Variants in CTSC observed in about 807,000 individuals in gnomAD.
CTSC encodes dipeptidyl peptidase 1.
Under a neutral mutation model 40.9 loss-of-function variants are expected in CTSC, and 37 were observed. The ratio of observed to expected loss-of-function variants is 0.91; its 90% CI spans 0.70 to 1.19. CTSC has a LOEUF of 1.19. Among genes scored for constraint, CTSC ranks in the 50% most tolerant of loss-of-function variants. The pLI is 0.00. For missense variants in CTSC, 594 were observed against 567.3 expected (o/e 1.05, Z -0.48); for synonymous variants, 232 against 207.4 (o/e 1.12, Z -1.02).
chr11:88,335,692 A>T (rs1444566405), intron 1 of CTSC, among the ~76,000 whole-genome samples: 1 of 152,220 alleles, frequency 6.6e-6, no homozygotes, highest in Non-Finnish European at 1.5e-5. Context: ...CAAAAGGAGA[A>T]ATGGGGAATG....
chr11:88,316,701 G>T (rs928827798), intron 2 of CTSC, among the ~76,000 whole-genome samples: 1 of 152,144 alleles, frequency 6.6e-6, no homozygotes, highest in Non-Finnish European at 1.5e-5. Context: ...GTGAATAAAT[G>T]AATAACAGAA....
chr11:88,295,480 G>A (rs1462377307), intron 6 of CTSC, among the ~76,000 whole-genome samples: 1 of 151,756 alleles, frequency 6.6e-6, no homozygotes, highest in African/African-American at 2.4e-5. Flanking sequence ...CCTGGGCTCA[G>A]GTGATTCTTA....
At chr11:88,296,890 A>C (rs1944304477) in intron 5 of CTSC, 1 of 155,868 alleles carries the variant, frequency 6.4e-6, no homozygotes. Context: ...GTTCCCTAAA[A>C]TTCTCCCCCT....
intron 4 of CTSC, among the ~76,000 whole-genome samples, chr11:88,307,572 T>C (rs1001147079): frequency 6.6e-6 from 1 of 150,408 alleles, no homozygotes; most frequent in African/African-American, 2.4e-5. Context: ...TTTTTTTTTT[T>C]TTTTTTTTGC....
Position 88,296,166 on chromosome 11 carries a change from G to T in CTSC, c.856C>A (p.Gln286Lys). The change falls in exon 6 of 7, where the codon CAG becomes AAG. Residue 286 changes from glutamine (Q) to lysine (K), a missense_variant. By Grantham distance (53) the Gln-to-Lys change is moderately conservative. Coordinates refer to ENST00000227266, the MANE Select transcript of CTSC (RefSeq NM_001814.6). ...TACTGGCTACAAGACACAACCTCCTGAGGGCTTAGGATTGGGGTCTGAGAA... is the reference window on the plus strand; with the variant it reads ...TACTGGCTACAAGACACAACCTCCTTAGGGCTTAGGATTGGGGTCTGAGAA... ...NNSQTPILSP[Q>K]EVVSCSQYAQ... 2 of 1,614,008 alleles carry T rather than the reference G, an allele frequency of 1.2e-6. No homozygotes were observed. Among genetic ancestry groups the T allele is most frequent in the Non-Finnish European group, 1.7e-6 (2 of 1,179,934 alleles).
intron 2 of CTSC, among the ~76,000 whole-genome samples, chr11:88,315,557 T>C (rs768834309): frequency 7.9e-5 from 12 of 152,200 alleles, no homozygotes; most frequent in Non-Finnish European, 1.6e-4. Flanking sequence ...CATTTATACA[T>C]TGTCTATGGC....
chr11:88,325,570 T>C (rs1938158743), intron 2 of CTSC: 3 of 985,324 alleles, frequency 3.0e-6, no homozygotes, highest in Non-Finnish European at 3.6e-6. Flanking sequence ...AGAAACTCTG[T>C]GAGCTTAGCA....
Position 88,294,112 on chromosome 11 carries a change from C to T in CTSC, c.1286G>A (p.Trp429Ter), listed in dbSNP as rs887942959. 6.2e-7 allele frequency: 1 copy of T among 1,613,982 alleles called. No individual in the cohort carries two copies. The highest frequency in any genetic ancestry group is 8.5e-7 in the Non-Finnish European group (1 of 1,180,002). The change falls in exon 7 of 7, where the codon TGG becomes TAG. Residue 429 changes from tryptophan (W) to a stop codon, truncating the protein, a stop_gained. Coordinates refer to ENST00000227266, the MANE Select transcript of CTSC (RefSeq NM_001814.6). LOFTEE classifies it high-confidence loss of function. Reference protein sequence around the residue: ...GMDYWIVKNSWGTGWGENGYF... With the variant: ...GMDYWIVKNS ...GCCATTCTCACCCCAGCCGGTGCCCCAGCTGTTTTTAACAATCCAGTAATC... is the reference window on the plus strand; with the variant it reads ...GCCATTCTCACCCCAGCCGGTGCCCTAGCTGTTTTTAACAATCCAGTAATC...
At chr11:88,323,791 A>T (rs1201010878) in intron 2 of CTSC, 1 of 152,238 alleles carries the variant, frequency 6.6e-6, no homozygotes, top group Non-Finnish European at 1.5e-5. Flanking sequence ...AAAACGTTAC[A>T]TGCTCATGGA....
At chr11:88,296,039 T>C (rs1944294846) in intron 6 of CTSC, 94 bp downstream of exon 6, 2 of 1,322,934 alleles carry the variant, frequency 1.5e-6, no homozygotes, top group South Asian at 1.2e-5. Context: ...GACACTGCGC[T>C]CTCTCTACTG....
chr11:88,337,709 A>G lies in CTSC; in HGVS notation c.-37T>C. 1 of 1,551,934 alleles carries G rather than the reference A, an allele frequency of 6.4e-7. No individual in the cohort carries two copies. Among genetic ancestry groups the G allele is most frequent in the East Asian group, 2.4e-5 (1 of 41,110 alleles). On this transcript the variant is annotated 5_prime_UTR_variant, in exon 1 of 7. Coordinates refer to ENST00000227266, the MANE Select transcript of CTSC (RefSeq NM_001814.6). ...CTGAGAAAAGAGGTGAAGAATTACC[A>G]GGAAGCCGAGCGCTGCGGGCTAGCG...
intron 2 of CTSC, among the ~76,000 whole-genome samples, chr11:88,320,058 G>GA: frequency 6.6e-6 from 1 of 152,244 alleles, no homozygotes; most frequent in Middle Eastern, 3.4e-3. Flanking sequence ...TCCTCAGAAA[G>GA]AAACCAACTT....
intron 2 of CTSC, chr11:88,320,700 A>G (rs901184284): frequency 2.6e-6 from 1 of 380,714 alleles, no homozygotes; most frequent in Non-Finnish European, 3.6e-6. Flanking sequence ...TAAAAGTCTA[A>G]TCTCTTTTCC....
chr11:88,310,063 G>A (rs761202730), intron 3 of CTSC, among the ~76,000 whole-genome samples: 11 of 151,838 alleles, frequency 7.2e-5, no homozygotes, highest in Non-Finnish European at 1.2e-4. Context: ...ATGGACATTC[G>A]GTTTATACTT....
At chr11:88,337,459 G>A (rs1433624186) in intron 1 of CTSC, 42 bp downstream of exon 1, 1 of 1,547,472 alleles carries the variant, frequency 6.5e-7, no homozygotes, top group Admixed American at 1.9e-5. Context: ...GGGCTCAAGG[G>A]CAGAAAGGAC....
At chr11:88,318,332 AATG>A (rs1159800623) in intron 2 of CTSC, among the ~76,000 whole-genome samples, 2 of 152,202 alleles carry the variant, frequency 1.3e-5, no homozygotes, top group African/African-American at 2.4e-5. Context: ...TGAAAGTAGG[AATG>A]ATATCTATAA....
At chr11:88,295,241 A>G (rs897434506) in intron 6 of CTSC, among the ~76,000 whole-genome samples, 3 of 152,212 alleles carry the variant, frequency 2.0e-5, no homozygotes, top group Non-Finnish European at 4.4e-5. Context: ...CAGCAGTTTC[A>G]CTAGTGAGCT....
Position 88,301,808 on chromosome 11 carries a change from GCGCACACA to G in CTSC, c.642-1171_642-1164del, listed in dbSNP as rs1357768251. Among the ~76,000 whole-genome samples the G allele has an allele frequency of 5.0e-5, 6 of 119,476 alleles. No individual in the cohort carries two copies. In the East Asian group the frequency reaches 9.6e-4, roughly 19 times the overall value. 78.4% of individuals were successfully genotyped at this position (119,476 alleles called of 152,430 possible). ...CATGCACACACACACAAACACACGC[GCGCACACA>G]CACACACACACACACACACAGAGAG... On this transcript the variant is annotated intron_variant, in intron 4 of 6. Transcript: ENST00000227266.
rs1399856477 is a variant in CTSC at position 88,296,295 on chromosome 11, G to A, written c.758-31C>T. 17 of 1,612,268 alleles carry A rather than the reference G, an allele frequency of 1.1e-5. No individual in the cohort carries two copies. The East Asian group carries it at 3.8e-4, about 36-fold the overall frequency. ...GATGAAAAAAAGACACATAATCCAA[G>A]AGACATCTGAAGCCTCACAGAGAAT... On this transcript the variant is annotated intron_variant, in intron 5 of 6. Transcript: ENST00000227266.
Sources: gnomAD v4.1 joint callset for allele counts (sites outside exome capture counted in the v4.1 genomes callset) on GRCh38, gnomAD v4.1.1 for gene constraint, MANE v1.5 for transcripts, NCBI Gene and HGNC (gene_info 2026-07-23, HGNC 2026-07-21) for gene names.